PWP1: variants seen among roughly 807,000 people sequenced by gnomAD.
PWP1 encodes the protein PWP1 homolog, endonuclein.
Under a neutral mutation model 69.9 loss-of-function variants are expected in PWP1, and 47 were observed. The observed-to-expected ratio is 0.67, with a 90% confidence interval of 0.53 to 0.86. PWP1 has a LOEUF of 0.86. Ranked by LOEUF, PWP1 falls within the 40% of genes least tolerant of loss-of-function variation. The pLI is 0.00. For missense variants in PWP1, 551 were observed against 608.8 expected, an observed-to-expected ratio of 0.91 and a Z score of 1.00; for synonymous variants, 222 against 208.2, an observed-to-expected ratio of 1.07 and a Z score of -0.57.
chr12:107,702,991 TG>T lies in PWP1; in HGVS notation c.867del (p.Lys290AsnfsTer26). ...DNTVILWDMS[L>X]GKPAASLAVH... ...ACTGTAATTCTGTGGGATATGTCCT[TG>T]GGGAAACCAGCAGCTAGCCTCGCTG... On this transcript the variant is annotated frameshift_variant, in exon 9 of 15. Transcript: ENST00000412830. LOFTEE classifies it high-confidence loss of function. 1 of 1,612,116 alleles carries T rather than the reference TG, an allele frequency of 6.2e-7. No homozygotes were observed. The highest frequency in any genetic ancestry group is 8.5e-7 in the Non-Finnish European group (1 of 1,178,180).
chr12:107,709,510 CTT>C (rs751083294), intron 13 of PWP1, among the ~76,000 whole-genome samples: 25 of 131,336 alleles, frequency 1.9e-4, no homozygotes, highest in Admixed American at 2.4e-4. Context: ...GAAATGGCTG[CTT>C]TTTTTTTTTT....
chr12:107,707,899 G>T (rs528073340), intron 11 of PWP1, among the ~76,000 whole-genome samples: 1 of 151,984 alleles, frequency 6.6e-6, no homozygotes. Flanking sequence ...TGGTATCAGG[G>T]TGATGCTGGC....
chr12:107,698,837 C>A (rs1289125899), intron 7 of PWP1, among the ~76,000 whole-genome samples: 1 of 152,188 alleles, frequency 6.6e-6, no homozygotes, highest in Admixed American at 6.5e-5. Flanking sequence ...AAGCGATGTT[C>A]CCACGTTAGC....
intron 14 of PWP1, 88 bp downstream of exon 14, chr12:107,710,598 G>T: frequency 7.0e-7 from 1 of 1,421,612 alleles, no homozygotes; most frequent in African/African-American, 1.4e-5. Flanking sequence ...ATGTTGCCCA[G>T]GCTGGTCTCA....
At chr12:107,710,959 G>A (rs1402681144) in intron 14 of PWP1, among the ~76,000 whole-genome samples, 8 of 152,130 alleles carry the variant, frequency 5.3e-5, no homozygotes, top group Non-Finnish European at 8.8e-5. Context: ...ACCCAGTGGC[G>A]CTAGAGGAAT....
intron 1 of PWP1, among the ~76,000 whole-genome samples, chr12:107,687,769 C>G (rs905278420): frequency 1.3e-5 from 2 of 151,994 alleles, no homozygotes; most frequent in Non-Finnish European, 2.9e-5. Flanking sequence ...CGGTGGCTCA[C>G]GCCTGTAATC....
chr12:107,706,308 G>A (rs1247423465), intron 11 of PWP1, among the ~76,000 whole-genome samples: 9 of 152,322 alleles, frequency 5.9e-5, no homozygotes, highest in Admixed American at 2.0e-4. Flanking sequence ...TTTGTCAGAT[G>A]AGTAGATTGC....
chr12:107,698,090 C>T (rs796758508), intron 7 of PWP1, among the ~76,000 whole-genome samples: 15 of 152,110 alleles, frequency 9.9e-5, no homozygotes, highest in African/African-American at 3.6e-4. Context: ...AGGCCACGCA[C>T]GTGGCTCACT....
chr12:107,712,305 G>A lies in PWP1; in HGVS notation c.*85G>A. The A allele has an allele frequency of 1.0e-6, 1 of 955,348 alleles. No homozygotes were observed. Among genetic ancestry groups the A allele is most frequent in the East Asian group, 2.4e-5 (1 of 41,100 alleles). The allele number at this position is 955,348 out of a possible 1,614,324, so 59.2% of individuals were successfully genotyped here. On this transcript the variant is annotated 3_prime_UTR_variant, in exon 15 of 15. Transcript: ENST00000412830. ...ATGTTCCATGCGTGGCAGCAACCAT[G>A]CAGAGTGACTGAAACACAATTCATT...
chr12:107,699,482 T>C, intron 8 of PWP1, 48 bp downstream of exon 8: 1 of 1,438,346 alleles, frequency 7.0e-7, no homozygotes, highest in Middle Eastern at 1.8e-4. Flanking sequence ...GTAGCCATTG[T>C]GATCTTACCT....
intron 7 of PWP1, among the ~76,000 whole-genome samples, chr12:107,698,227 T>C (rs1305480304): frequency 6.6e-6 from 1 of 152,206 alleles, no homozygotes; most frequent in Non-Finnish European, 1.5e-5. Flanking sequence ...CCAGGCATGT[T>C]GGTGTGTTCC....
In PWP1 at chr12:107,693,007, A is replaced by G. The variant is rs1341503234; in HGVS notation, c.413A>G (p.Tyr138Cys). Residue 138 changes from tyrosine to cysteine, a missense_variant, in exon 5 of 15, where the codon TAT becomes TGT. By Grantham distance (194) the Tyr-to-Cys change is radical. Transcript: ENST00000412830. ...TTTTTTCCTCTCACTTAGGAACAAT[A>G]TGAACGTGAAGATTTCTTGATTAAG... ...PYVTLKDTEQ[Y>C]EREDFLIKPS... The G allele has an allele frequency of 6.2e-7, 1 of 1,614,132 alleles. No homozygotes were observed. Among genetic ancestry groups the G allele is most frequent in the South Asian group, 1.1e-5 (1 of 91,076 alleles).
intron 8 of PWP1, among the ~76,000 whole-genome samples, chr12:107,700,351 C>T (rs1028991262): frequency 2.0e-5 from 3 of 152,116 alleles, no homozygotes; most frequent in Admixed American, 2.0e-4. Flanking sequence ...TCCCCATTTC[C>T]CCCACCCCCA....
rs754929994 is a variant in PWP1 at position 107,712,121 on chromosome 12, AT to A, written c.1410del (p.Phe470LeufsTer43). ...TTATTTGTATTTTAGTAAATGAAGC[AT>A]TTGGAAGACGAGAGAGGCTTGTTCT... Reference protein sequence around the residue: ...ISTVSSVNEAFGRRERLVLGS... With the variant: ...ISTVSSVNEAXGRRERLVLGS... On this transcript the variant is annotated frameshift_variant, in exon 15 of 15. Coordinates refer to ENST00000412830, the MANE Select transcript of PWP1 (RefSeq NM_007062.3). LOFTEE classifies it high-confidence loss of function. 1.2e-6 allele frequency: 2 copies of A among 1,613,784 alleles called. No homozygotes were observed. The highest frequency in any genetic ancestry group is 4.5e-5 in the East Asian group (2 of 44,876).
At position 107,688,800 on chromosome 12, in the gene PWP1, C is replaced by G; in HGVS notation, c.317C>G (p.Pro106Arg). The G allele has an allele frequency of 1.2e-6, 2 of 1,612,974 alleles. No homozygotes were observed. The highest frequency in any genetic ancestry group is 1.7e-6 in the Non-Finnish European group (2 of 1,179,430). Residue 106 changes from proline to arginine, a missense_variant and splice_region_variant, in exon 3 of 15, where the codon CCA becomes CGA. Pro to Arg is a moderately radical substitution (Grantham distance 103). Coordinates refer to ENST00000412830, the MANE Select transcript of PWP1 (RefSeq NM_007062.3). ...GATAAATATGATGAGGAAGGTGACCCAGGTTAGTTTATCCACTTCTGATGG... is the reference window on the plus strand; with the variant it reads ...GATAAATATGATGAGGAAGGTGACCGAGGTTAGTTTATCCACTTCTGATGG... ...DLDKYDEEGD[P>R]DAETLGESLL... is the part of the protein sequence containing the mutation.
In PWP1 at chr12:107,685,907, G is replaced by A; in HGVS notation, c.8G>A (p.Arg3His). The A allele has an allele frequency of 6.2e-7, 1 of 1,613,762 alleles. No homozygotes were observed. Among genetic ancestry groups the A allele is most frequent in the Non-Finnish European group, 8.5e-7 (1 of 1,179,946 alleles). Residue 3 changes from arginine (R) to histidine (H), a missense_variant, in exon 1 of 15, where the codon CGC becomes CAC. Physicochemically the swap from Arg to His is conservative, Grantham distance 29. Coordinates refer to ENST00000412830, the MANE Select transcript of PWP1 (RefSeq NM_007062.3). Reference protein sequence around the residue: MNRSRQVTCVAWV... With the variant: MNHSRQVTCVAWV... ...GCCCTTGACTTGAGGACCATGAACCGCAGCCGCCAGGTGACGTGCGTGGCC... is the reference window on the plus strand; with the variant it reads ...GCCCTTGACTTGAGGACCATGAACCACAGCCGCCAGGTGACGTGCGTGGCC...
Position 107,697,501 on chromosome 12 carries a change from TATTGAAGTGTGGGA to T in PWP1, c.649_662del (p.Ile217ProfsTer2), listed in dbSNP as rs1198146130. ...TTGCTGTAGGAAACATGACCCCTGT[TATTGAAGTGTGGGA>T]CCTTGATATAGTGGACTCTTTAGAG... is the stretch of plus-strand genomic sequence containing the variant. On this transcript the variant is annotated frameshift_variant, in exon 7 of 15. Transcript: ENST00000412830. LOFTEE classifies it high-confidence loss of function. 6.2e-7 allele frequency: 1 copy of T among 1,603,512 alleles called. No homozygotes were observed. Among genetic ancestry groups the T allele is most frequent in the Non-Finnish European group, 8.5e-7 (1 of 1,176,148 alleles).
chr12:107,692,764 T>C, intron 3 of PWP1, 50 bp from the exon 4 acceptor site: 1 of 1,450,750 alleles, frequency 6.9e-7, no homozygotes. Context: ...GAAATATGTT[T>C]TTGTCAAGAT....
intron 8 of PWP1, among the ~76,000 whole-genome samples, chr12:107,699,915 A>G (rs1329098744): frequency 6.6e-6 from 1 of 152,360 alleles, no homozygotes; most frequent in Middle Eastern, 3.4e-3. Context: ...AAGAGGTTTA[A>G]TTGATTCACA....
Sources: gnomAD v4.1 joint callset for allele counts (sites outside exome capture counted in the v4.1 genomes callset) on GRCh38, gnomAD v4.1.1 for gene constraint, MANE v1.5 for transcripts, NCBI Gene and HGNC (gene_info 2026-07-23, HGNC 2026-07-21) for gene names.